Variants in MMS22L observed in about 807,000 individuals in gnomAD.
MMS22L encodes the protein MMS22 like, DNA repair protein.
MMS22L carries 74 observed loss-of-function variants against 159.1 expected under a neutral mutation model. That is an observed-to-expected ratio of 0.47 (90% CI 0.39 to 0.56). The LOEUF is 0.56. MMS22L is among the 20% of genes least tolerant of loss of function. The pLI, the probability that MMS22L is intolerant of heterozygous loss-of-function variation, is 0.00. For missense variants in MMS22L, 1,351 were observed against 1,422.1 expected (o/e 0.95, Z 0.80); for synonymous variants, 517 against 506.9 (o/e 1.02, Z -0.27).
At chr6:97,195,195 G>A (rs1806357795) in intron 14 of MMS22L, among the ~76,000 whole-genome samples, 1 of 152,158 alleles carries the variant, frequency 6.6e-6, no homozygotes, top group Admixed American at 6.5e-5. Context: ...ATATTCCAGT[G>A]AGAAGAAAAA....
At chr6:97,154,036 T>C (rs1258867243) in intron 22 of MMS22L, among the ~76,000 whole-genome samples, 1 of 152,190 alleles carries the variant, frequency 6.6e-6, no homozygotes, top group Non-Finnish European at 1.5e-5. Context: ...CTTGAGGAAC[T>C]ACTGGACTAT....
intron 10 of MMS22L, among the ~76,000 whole-genome samples, chr6:97,251,403 T>C (rs1197835280): frequency 1.3e-5 from 2 of 152,222 alleles, no homozygotes; most frequent in East Asian, 3.8e-4. Context: ...CTAAATATGT[T>C]GCAAATGCAG....
At chr6:97,223,465 C>T (rs1252498209) in intron 14 of MMS22L, among the ~76,000 whole-genome samples, 3 of 151,924 alleles carry the variant, frequency 2.0e-5, no homozygotes, top group East Asian at 1.9e-4. Context: ...CTAAAGGGGG[C>T]GGCGAGCTTA....
intron 3 of MMS22L, among the ~76,000 whole-genome samples, chr6:97,279,565 A>C (rs1816563748): frequency 6.6e-6 from 1 of 151,870 alleles, no homozygotes; most frequent in East Asian, 1.9e-4. Context: ...CAGGTGGAAC[A>C]CCTGAGGTCA....
At chr6:97,161,887 C>T (rs1204078024) in intron 22 of MMS22L, 115 bp downstream of exon 22, 4 of 962,728 alleles carry the variant, frequency 4.2e-6, no homozygotes, top group East Asian at 2.6e-5. Context: ...TGACCCATAT[C>T]AAGAGATATA....
At chr6:97,158,116 T>C (rs975644073) in intron 22 of MMS22L, among the ~76,000 whole-genome samples, 2 of 152,206 alleles carry the variant, frequency 1.3e-5, no homozygotes, top group Non-Finnish European at 2.9e-5. Context: ...TAGAGTTCTT[T>C]ATAGTACTCT....
intron 10 of MMS22L, 105 bp downstream of exon 10, chr6:97,254,452 T>C (rs1813568274): frequency 2.5e-6 from 2 of 807,384 alleles, no homozygotes; most frequent in African/African-American, 1.7e-5. Flanking sequence ...ATCTCTGTGA[T>C]TGTAGTCTGA....
chr6:97,174,442 G>C (rs748048526), intron 18 of MMS22L, among the ~76,000 whole-genome samples: 1 of 152,008 alleles, frequency 6.6e-6, no homozygotes, highest in Non-Finnish European at 1.5e-5. Context: ...AGAAGAGGTG[G>C]TTGCACTGAG....
At chr6:97,192,758 G>A (rs1041769930) in intron 14 of MMS22L, among the ~76,000 whole-genome samples, 2 of 152,186 alleles carry the variant, frequency 1.3e-5, no homozygotes, top group Non-Finnish European at 2.9e-5. Flanking sequence ...GGGTTGGCCA[G>A]AGAATTAAAA....
intron 14 of MMS22L, among the ~76,000 whole-genome samples, chr6:97,191,893 G>A (rs2128287583): frequency 6.6e-6 from 1 of 152,314 alleles, no homozygotes; most frequent in East Asian, 1.9e-4. Context: ...AACAGTGGAA[G>A]TTATCCAAAA....
intron 10 of MMS22L, among the ~76,000 whole-genome samples, chr6:97,250,794 G>A (rs1480035692): frequency 6.6e-6 from 1 of 152,024 alleles, no homozygotes; most frequent in Non-Finnish European, 1.5e-5. Flanking sequence ...TTTAAAAACT[G>A]AAACATCGCC....
chr6:97,164,456 GT>G (rs1802755978), intron 21 of MMS22L, among the ~76,000 whole-genome samples: 1 of 151,828 alleles, frequency 6.6e-6, no homozygotes, highest in Admixed American at 6.6e-5. Context: ...ACTTTCTAAT[GT>G]TAAAGTTAAA....
chr6:97,190,378 C>A (rs1295219052), intron 14 of MMS22L, among the ~76,000 whole-genome samples: 1 of 152,016 alleles, frequency 6.6e-6, no homozygotes, highest in Non-Finnish European at 1.5e-5. Flanking sequence ...TAGGATCTCC[C>A]AACACTTGGC....
At chr6:97,280,568 C>T (rs1392345783) in intron 3 of MMS22L, among the ~76,000 whole-genome samples, 1 of 152,090 alleles carries the variant, frequency 6.6e-6, no homozygotes, top group East Asian at 1.9e-4. Context: ...CCCGCCTCGG[C>T]CTCCCAAAGT....
At chr6:97,233,802 C>A in intron 12 of MMS22L, 59 bp downstream of exon 12, 1 of 1,528,114 alleles carries the variant, frequency 6.5e-7, no homozygotes, top group Non-Finnish European at 8.8e-7. Flanking sequence ...TAAAGACATT[C>A]CTCAAATATG....
intron 20 of MMS22L, among the ~76,000 whole-genome samples, chr6:97,167,437 C>G (rs990039178): frequency 1.2e-4 from 19 of 152,146 alleles, no homozygotes; most frequent in African/African-American, 3.6e-4. Context: ...TTACAAGGAA[C>G]TAGTTACCAC....
chr6:97,153,305 CTT>C (rs1801504824), intron 22 of MMS22L, among the ~76,000 whole-genome samples: 2 of 150,554 alleles, frequency 1.3e-5, no homozygotes, highest in South Asian at 4.2e-4. Flanking sequence ...ATTCCACACT[CTT>C]TAGCTATCCC....
At chr6:97,276,103 A>G (rs1168123702) in intron 4 of MMS22L, among the ~76,000 whole-genome samples, 1 of 152,198 alleles carries the variant, frequency 6.6e-6, no homozygotes. Context: ...TTAACCCTGG[A>G]AGCATAATGG....
rs1562488654 is a variant in MMS22L, at chr6:97,233,966, T to C, written c.1197A>G (p.Glu399=). ...KSISVQGVIL[E]EQLRMYLHCC... Reference sequence around the variant, plus strand: ...AGTGAAGATACATTCGTAATTGTTCTTCTAGAATGACACCCTAAAAAATAA... The same window carrying C: ...AGTGAAGATACATTCGTAATTGTTCCTCTAGAATGACACCCTAAAAAATAA... Residue 399 remains glutamate (E), a synonymous_variant, in exon 12 of 25, where the codon GAA becomes GAG. Coordinates refer to ENST00000683635, the MANE Select transcript of MMS22L (RefSeq NM_001350599.2). The C allele has an allele frequency of 6.2e-7, 1 of 1,607,122 alleles. No individual in the cohort carries two copies.
Sources: allele counts gnomAD v4.1 joint callset (sites outside exome capture counted in the v4.1 genomes callset), GRCh38; gene constraint gnomAD v4.1.1; transcripts MANE v1.5; gene names NCBI Gene and HGNC (gene_info 2026-07-23, HGNC 2026-07-21).